Variants in EFCAB7 observed in about 807,000 individuals in gnomAD.
EFCAB7 encodes EF-hand calcium-binding domain-containing protein 7.
Under a neutral mutation model 77.1 loss-of-function variants are expected in EFCAB7, and 66 were observed. The ratio of observed to expected loss-of-function variants is 0.86; its 90% CI spans 0.70 to 1.05. The LOEUF (loss-of-function observed/expected upper bound fraction) is 1.05, where lower values mean the gene tolerates loss of function less well. Among genes scored for constraint, EFCAB7 ranks in the 50% least tolerant of loss-of-function variants. The pLI, the probability that EFCAB7 is intolerant of heterozygous loss-of-function variation, is 0.00. For synonymous variants in EFCAB7, 225 were observed against 243.3 expected, an observed-to-expected ratio of 0.92 and a Z score of 0.70; for missense variants, 638 against 730.5, an observed-to-expected ratio of 0.87 and a Z score of 1.46.
At chr1:63,564,611 A>G (rs1377278445) in intron 11 of EFCAB7, among the ~76,000 whole-genome samples, 1 of 152,232 alleles carries the variant, frequency 6.6e-6, no homozygotes, top group Non-Finnish European at 1.5e-5. Context: ...GGAAGAATCA[A>G]TATCGTTAAA....
rs559562812 is a variant in EFCAB7, at chr1:63,561,778, A to C, written c.1418A>C (p.Asn473Thr). Residue 473 changes from asparagine to threonine, a missense_variant, in exon 11 of 14, where the codon AAT becomes ACT. Coordinates refer to ENST00000371088, the MANE Select transcript of EFCAB7 (RefSeq NM_032437.4). The stretch of plus-strand genomic sequence containing the variant: ...ATGGATTTGAATCTAATGGAAGCTA[A>C]TGATCGAGAAGGAGATCCTTGTGAC... ...GFMDLNLMEA[N>T]DREGDPCDLW... is the part of the protein sequence containing the mutation. 2.7e-5 allele frequency: 44 copies of C among 1,610,546 alleles called. No individual in the cohort carries two copies. In the South Asian group the frequency reaches 4.1e-4, roughly 15 times the overall value.
chr1:63,527,501 T>C (rs746517825), intron 2 of EFCAB7, among the ~76,000 whole-genome samples: 6 of 102,866 alleles, frequency 5.8e-5, no homozygotes, highest in Non-Finnish European at 9.7e-5. Flanking sequence ...TTAAGTTCCT[T>C]TTTTGTCAAT....
At chr1:63,572,198 C>T (rs1647281681) in intron 13 of EFCAB7, among the ~76,000 whole-genome samples, 1 of 152,232 alleles carries the variant, frequency 6.6e-6, no homozygotes, top group South Asian at 2.1e-4. Context: ...CTTTCCACCA[C>T]TCTTCTTTAC....
At chr1:63,566,194 C>T (rs550711158) in intron 11 of EFCAB7, among the ~76,000 whole-genome samples, 44 of 152,258 alleles carry the variant, frequency 2.9e-4, no homozygotes, top group African/African-American at 1.1e-3. Flanking sequence ...ATGTCCTTTG[C>T]AGGGACATGG....
At chr1:63,555,228 T>C in intron 8 of EFCAB7, 130 bp from the exon 9 acceptor site, 1 of 1,086,486 alleles carries the variant, frequency 9.2e-7, no homozygotes. Context: ...AGGACTATAA[T>C]AGAATTTGTA....
intron 6 of EFCAB7, among the ~76,000 whole-genome samples, chr1:63,535,289 A>G (rs1412400690): frequency 2.6e-5 from 4 of 152,102 alleles, no homozygotes; most frequent in Non-Finnish European, 5.9e-5. Flanking sequence ...AATTCAACAA[A>G]TATTCACTAA....
downstream of EFCAB7, among the ~76,000 whole-genome samples, chr1:63,577,681 G>A (rs925979910): frequency 6.6e-6 from 1 of 152,204 alleles, no homozygotes; most frequent in African/African-American, 2.4e-5. Context: ...AAATAAATAA[G>A]TAGTAGGTGT....
At chr1:63,565,285 G>A (rs897888226) in intron 11 of EFCAB7, among the ~76,000 whole-genome samples, 18 of 152,038 alleles carry the variant, frequency 1.2e-4, no homozygotes, top group African/African-American at 3.1e-4. Flanking sequence ...TGTGAACCCG[G>A]GAGACAGAGC....
At chr1:63,560,994 G>C (rs1463282233) in intron 10 of EFCAB7, among the ~76,000 whole-genome samples, 1 of 152,130 alleles carries the variant, frequency 6.6e-6, no homozygotes, top group Admixed American at 6.5e-5. Context: ...TTGTAGGATA[G>C]CTAACAAAAT....
the EFCAB7 span, among the ~76,000 whole-genome samples, chr1:63,579,355 C>T: frequency 6.6e-6 from 1 of 152,208 alleles, no homozygotes; most frequent in African/African-American, 2.4e-5. Flanking sequence ...TTTTATTCAG[C>T]ATAATGCCTT....
chr1:63,551,465 C>T (rs1646963424), intron 7 of EFCAB7, among the ~76,000 whole-genome samples: 1 of 152,056 alleles, frequency 6.6e-6, no homozygotes, highest in South Asian at 2.1e-4. Context: ...GTGGCACATG[C>T]CTGTAGTCTC....
At chr1:63,525,404 T>C (rs912265319) in intron 1 of EFCAB7, among the ~76,000 whole-genome samples, 168 bp from the exon 2 acceptor site, 6 of 152,186 alleles carry the variant, frequency 3.9e-5, no homozygotes, top group Non-Finnish European at 8.8e-5. Context: ...GTATTCGTCT[T>C]TTACTTCCAC....
chr1:63,562,541 C>G (rs1453035065), intron 11 of EFCAB7, among the ~76,000 whole-genome samples: 1 of 135,868 alleles, frequency 7.4e-6, no homozygotes, highest in African/African-American at 2.7e-5. Context: ...ACTCTGTCAC[C>G]CTGGCTGGAG....
intron 7 of EFCAB7, among the ~76,000 whole-genome samples, chr1:63,546,400 T>C (rs1013858541): frequency 2.0e-5 from 3 of 152,110 alleles, no homozygotes; most frequent in African/African-American, 7.2e-5. Flanking sequence ...AGTCTCCCTC[T>C]GTTGCCCAGG....
At chr1:63,576,817 CAGAG>C (rs986038262), downstream of EFCAB7, among the ~76,000 whole-genome samples, 3 of 151,098 alleles carry the variant, frequency 2.0e-5, no homozygotes, top group South Asian at 2.1e-4. Context: ...GCCTGGGTGA[CAGAG>C]AGAGACTCTG....
intron 11 of EFCAB7, among the ~76,000 whole-genome samples, chr1:63,566,840 A>G (rs1647178386): frequency 6.7e-6 from 1 of 150,220 alleles, no homozygotes; most frequent in Admixed American, 6.6e-5. Flanking sequence ...TGAAGTGATT[A>G]AAATATTTTT....
At chr1:63,549,154 C>T (rs1360933031) in intron 7 of EFCAB7, 3 of 306,656 alleles carry the variant, frequency 9.8e-6, no homozygotes, top group Non-Finnish European at 2.0e-5. Flanking sequence ...TAGCAGAGAA[C>T]CAATTCTGGA....
At chr1:63,534,426 A>C (rs1227922906) in intron 6 of EFCAB7, 2 of 376,408 alleles carry the variant, frequency 5.3e-6, no homozygotes, top group African/African-American at 4.1e-5. Flanking sequence ...AAATGGTAAC[A>C]CTCAAGTTTT....
intron 1 of EFCAB7, among the ~76,000 whole-genome samples, chr1:63,523,892 A>T (rs1199047934): frequency 6.6e-6 from 1 of 152,048 alleles, no homozygotes; most frequent in Non-Finnish European, 1.5e-5. Flanking sequence ...GGCCCTGTAG[A>T]AGCCTTAGGC....
Sources: allele counts gnomAD v4.1 joint callset (sites outside exome capture counted in the v4.1 genomes callset), GRCh38; gene constraint gnomAD v4.1.1; transcripts MANE v1.5; gene names NCBI Gene and HGNC (gene_info 2026-07-23, HGNC 2026-07-21).